The following FGF13 variants were observed in gnomAD, a reference collection of about 807,000 sequenced individuals.
The protein encoded by FGF13 is fibroblast growth factor homologous factor 2.
A neutral mutation model predicts 19.5 loss-of-function variants in FGF13; 2 were observed. The ratio of observed to expected loss-of-function variants is 0.10; its 90% CI spans 0.04 to 0.32. The LOEUF (loss-of-function observed/expected upper bound fraction) is 0.32. Ranked by LOEUF, FGF13 falls within the 10% of genes least tolerant of loss-of-function variation. The pLI is 1.00. For missense variants in FGF13, 113 were observed against 192.7 expected (o/e 0.59, Z 2.45); for synonymous variants, 72 against 76.9 (o/e 0.94, Z 0.33).
intron 1 of FGF13, among the ~76,000 whole-genome samples, chrX:139,192,659 C>A (rs1374732731): frequency 9.0e-6 from 1 of 111,692 alleles, no homozygotes; most frequent in Non-Finnish European, 1.9e-5. Context: ...GAATCAAATT[C>A]TCATGGTCGG....
rs1221339750 is a variant in FGF13 at position 139,185,002 on chromosome X, G to A, written c.-113+18414C>T. On this transcript the variant is annotated intron_variant, in intron 1 of 2. Coordinates refer to the FGF13 transcript ENST00000421460. ...CTCACATGTAAACGATTTAGTTCTA[G>A]TTCACATACAGATGAAACCAGACCT... 4.5e-5 allele frequency among the ~76,000 whole-genome samples: 5 copies of A among 111,566 alleles called. No individual in the cohort carries two copies. The South Asian group carries it at 1.5e-3, about 34-fold the overall frequency.
chrX:138,807,091 C>A (rs1286959771), intron 3 of FGF13: 1 of 111,133 alleles, frequency 9.0e-6, no homozygotes, highest in Non-Finnish European at 1.9e-5. Flanking sequence ...TGGAGACTCA[C>A]CAGACCTTGA....
intron 1 of FGF13, among the ~76,000 whole-genome samples, chrX:138,736,267 T>C (rs2090273985): frequency 8.9e-6 from 1 of 112,077 alleles, no homozygotes; most frequent in Non-Finnish European, 1.9e-5. Flanking sequence ...AATCTTCCAG[T>C]TTCTAAGGCA....
chrX:139,081,432 A>G (rs1285373866), intron 1 of FGF13, among the ~76,000 whole-genome samples: 1 of 111,151 alleles, frequency 9.0e-6, no homozygotes, highest in African/African-American at 3.3e-5. Flanking sequence ...CTCAGACTTT[A>G]TCACTTTTCC....
At chrX:138,635,699 T>C (rs368967455) in intron 3 of FGF13, 44 bp from the exon 4 acceptor site, 4 of 1,042,439 alleles carry the variant, frequency 3.8e-6, no homozygotes, top group South Asian at 1.9e-5. Flanking sequence ...TTTATAGCTA[T>C]GAATTTCCTG....
chrX:138,792,427 T>C (rs2090749082), intron 3 of FGF13, among the ~76,000 whole-genome samples: 1 of 111,669 alleles, frequency 9.0e-6, no homozygotes, highest in Admixed American at 9.5e-5. Flanking sequence ...CTCCAAAGCC[T>C]AGATATTTTT....
intron 1 of FGF13, among the ~76,000 whole-genome samples, chrX:139,035,647 C>T (rs1483902294): frequency 9.0e-6 from 1 of 111,258 alleles, no homozygotes; most frequent in Non-Finnish European, 1.9e-5. Flanking sequence ...ACCACCCCTA[C>T]CATAAAGACA....
At chrX:138,932,931 CA>C (rs1027459703) in intron 1 of FGF13, among the ~76,000 whole-genome samples, 1 of 111,029 alleles carries the variant, frequency 9.0e-6, no homozygotes, top group African/African-American at 3.3e-5. Context: ...CATGGAGGAC[CA>C]GTGTTAGTTG....
At chrX:139,138,728 T>C (rs1820978334) in intron 1 of FGF13, among the ~76,000 whole-genome samples, 1 of 111,278 alleles carries the variant, frequency 9.0e-6, no homozygotes, top group Non-Finnish European at 1.9e-5. Context: ...ATTTCCAGTT[T>C]ACAAAGCACT....
intron 1 of FGF13, among the ~76,000 whole-genome samples, chrX:138,907,416 G>A (rs1025160034): frequency 3.6e-5 from 4 of 111,752 alleles, no homozygotes; most frequent in African/African-American, 1.3e-4. Flanking sequence ...GGGAGTTAAA[G>A]TTCAGGCTGC....
intron 1 of FGF13, among the ~76,000 whole-genome samples, chrX:139,000,545 GACAA>G (rs770195770): frequency 3.6e-5 from 4 of 111,395 alleles, no homozygotes; most frequent in African/African-American, 9.8e-5. Flanking sequence ...ACCAATAACA[GACAA>G]ACAGAGAGCA....
At position 139,078,284 on chromosome X, in the gene FGF13, G is replaced by A. The variant is rs150703574; in HGVS notation, c.-113+125132C>T. Among the ~76,000 whole-genome samples, 946 of 109,929 alleles carry A rather than the reference G, an allele frequency of 8.6e-3. 10 individuals carry two copies. The highest frequency in any genetic ancestry group is 0.029 in the African/African-American group (878 of 30,300). On this transcript the variant is annotated intron_variant, in intron 1 of 2. Transcript: ENST00000421460. ...GGGCCCTCACTTCGCTGCAAATCAAGCATGCTAACACTTCTGTTGCCAGCG... is the reference window on the plus strand; with the variant it reads ...GGGCCCTCACTTCGCTGCAAATCAAACATGCTAACACTTCTGTTGCCAGCG...
rs919005409 is a variant in FGF13, at chrX:138,622,354, G to C, written c.*10496C>G. ...AGACAATGAAGGATAATAATCATAT[G>C]ATCATTTTAACAGATACAGAAAAGG... On this transcript the variant is annotated 3_prime_UTR_variant, in exon 5 of 5. Coordinates refer to ENST00000315930, the MANE Select transcript of FGF13 (RefSeq NM_004114.5). 1 of 111,136 alleles carries C rather than the reference G, an allele frequency of 9.0e-6. No homozygotes were observed. Among genetic ancestry groups the C allele is most frequent in the African/African-American group, 3.3e-5 (1 of 30,654 alleles). 9.2% of individuals were successfully genotyped at this position (111,136 alleles called of 1,213,427 possible).
intron 1 of FGF13, among the ~76,000 whole-genome samples, chrX:138,890,058 A>G (rs952700245): frequency 1.7e-4 from 19 of 109,442 alleles, no homozygotes; most frequent in African/African-American, 6.4e-4. Flanking sequence ...CCTCCCAAGT[A>G]GCTGGGATTA....
intron 3 of FGF13, among the ~76,000 whole-genome samples, chrX:138,781,717 T>A (rs2090644743): frequency 8.9e-6 from 1 of 111,831 alleles, no homozygotes; most frequent in South Asian, 3.7e-4. Context: ...ACAGCTGAAT[T>A]CTACCAGAGG....
chrX:138,978,336 C>A (rs1217653441), intron 1 of FGF13, among the ~76,000 whole-genome samples: 1 of 101,169 alleles, frequency 9.9e-6, no homozygotes, highest in Non-Finnish European at 2.0e-5. Context: ...GATCTCGGCT[C>A]ACTGCAAGCT....
intron 3 of FGF13, among the ~76,000 whole-genome samples, chrX:138,675,670 G>A (rs1285802701): frequency 1.8e-5 from 2 of 109,797 alleles, no homozygotes; most frequent in African/African-American, 6.6e-5. Flanking sequence ...TTTTCACATT[G>A]ATGCAATTCT....
At chrX:138,860,150 A>G (rs1411641483) in intron 2 of FGF13, among the ~76,000 whole-genome samples, 3 of 112,083 alleles carry the variant, frequency 2.7e-5, no homozygotes, top group Non-Finnish European at 5.6e-5. Context: ...TAGGCAACAC[A>G]TTACGCTGGC....
intron 3 of FGF13, among the ~76,000 whole-genome samples, chrX:138,758,966 T>C (rs141699842): frequency 0.015 from 1,686 of 112,139 alleles, 20 homozygotes; most frequent in African/African-American, 0.052. Flanking sequence ...CATTCCAGGT[T>C]TGCCGGAACA....
Sources: gnomAD v4.1 joint callset for allele counts (sites outside exome capture counted in the v4.1 genomes callset) on GRCh38, gnomAD v4.1.1 for gene constraint, MANE v1.5 for transcripts, NCBI Gene and HGNC (gene_info 2026-07-23, HGNC 2026-07-21) for gene names.